The following LANCL1 variants were observed in gnomAD, a reference collection of about 807,000 sequenced individuals.
The protein encoded by LANCL1 is LanC like glutathione S-transferase 1.
LANCL1 carries 50 observed loss-of-function variants against 50.6 expected under a neutral mutation model. The ratio of observed to expected loss-of-function variants is 0.99; its 90% CI spans 0.79 to 1.25. LANCL1 has a LOEUF of 1.25. Among genes scored for constraint, LANCL1 ranks in the 50% most tolerant of loss-of-function variants. LANCL1 has a pLI of 0.00. For synonymous variants in LANCL1, 188 were observed against 178.6 expected, an observed-to-expected ratio of 1.05 and a Z score of -0.42; for missense variants, 532 against 480.7, an observed-to-expected ratio of 1.11 and a Z score of -1.00.
chr2:210,444,397 G>A (rs575687477), intron 4 of LANCL1, among the ~76,000 whole-genome samples: 1 of 152,260 alleles, frequency 6.6e-6, no homozygotes, highest in Non-Finnish European at 1.5e-5. Flanking sequence ...AAAATGAAGA[G>A]GATAGGTTTT....
In LANCL1 at chr2:210,476,457, T is replaced by C. The variant is rs1351777267; in HGVS notation, c.-16-45A>G. ...CAGAAACTAGGTTGAGATAGGGGCC[T>C]CGGCCGAGTTGCGAGGGCGGCGGCG... On this transcript the variant is annotated intron_variant, in intron 1 of 9. Transcript: ENST00000450366. 3 of 1,531,444 alleles carry C rather than the reference T, an allele frequency of 2.0e-6. No homozygotes were observed. In the Admixed American group the frequency reaches 6.2e-5, roughly 31 times the overall value. The allele number at this position is 1,531,444 out of a possible 1,614,324, so 94.9% of individuals were successfully genotyped here.
At chr2:210,448,569 G>GT (rs972196929) in intron 4 of LANCL1, among the ~76,000 whole-genome samples, 2 of 152,044 alleles carry the variant, frequency 1.3e-5, no homozygotes, top group African/African-American at 4.8e-5. Flanking sequence ...CCCAGAGTTG[G>GT]TTTTTTGAAA....
At chr2:210,458,731 A>C (rs994265471) in intron 3 of LANCL1, among the ~76,000 whole-genome samples, 24 of 152,160 alleles carry the variant, frequency 1.6e-4, no homozygotes, top group African/African-American at 4.8e-4. Flanking sequence ...CCTCTGTTGG[A>C]GAATCAGGTT....
chr2:210,444,369 AG>A (rs535272599), intron 4 of LANCL1, among the ~76,000 whole-genome samples: 261 of 152,238 alleles, frequency 1.7e-3, no homozygotes, highest in Admixed American at 4.3e-3. Flanking sequence ...GCTTGTGGTG[AG>A]GGGGGAGAAA....
chr2:210,453,654 G>A (rs1179181323), intron 4 of LANCL1, among the ~76,000 whole-genome samples: 2 of 152,170 alleles, frequency 1.3e-5, no homozygotes, highest in Non-Finnish European at 2.9e-5. Context: ...TACTTAACAA[G>A]TGATTCACTG....
In LANCL1 at chr2:210,434,451, G is replaced by C; in HGVS notation, c.*36C>G. The C allele has an allele frequency of 6.5e-7, 1 of 1,540,506 alleles. No homozygotes were observed. Among genetic ancestry groups the C allele is most frequent in the African/African-American group, 1.4e-5 (1 of 73,528 alleles). On this transcript the variant is annotated 3_prime_UTR_variant, in exon 10 of 10. Coordinates refer to ENST00000450366, the MANE Select transcript of LANCL1 (RefSeq NM_006055.3). ...AGCTTGGGTTTGAATATACAGAAAGGGTCATGCAGTGAGTTGCAGGTGGCA... is the reference window on the plus strand; with the variant it reads ...AGCTTGGGTTTGAATATACAGAAAGCGTCATGCAGTGAGTTGCAGGTGGCA...
chr2:210,452,878 G>A (rs771395105), intron 4 of LANCL1, among the ~76,000 whole-genome samples: 57 of 152,238 alleles, frequency 3.7e-4, no homozygotes, highest in Admixed American at 7.8e-4. Context: ...GAATGTGAGC[G>A]TGGGATCTCA....
intron 2 of LANCL1, 44 bp from the exon 3 acceptor site, chr2:210,472,120 C>G: frequency 7.5e-7 from 1 of 1,329,058 alleles, no homozygotes. Flanking sequence ...TGTGGGTCAC[C>G]CAGCTTGCTG....
intron 3 of LANCL1, chr2:210,468,410 T>G (rs545459268): frequency 6.6e-6 from 1 of 152,074 alleles, no homozygotes; most frequent in South Asian, 2.1e-4. Context: ...AACATAGAAG[T>G]CAAGAAAAAA....
In LANCL1 at chr2:210,432,914, G is replaced by C. The variant is rs1391957271; in HGVS notation, c.*1573C>G. On this transcript the variant is annotated 3_prime_UTR_variant, in exon 10 of 10. Transcript: ENST00000450366. The stretch of plus-strand genomic sequence containing the variant: ...GATCCTGGAAACTGAGCAGTGGGCT[G>C]CTTTTTAAATCCTACTGCCAGTGGC... 3.9e-5 allele frequency: 6 copies of C among 152,590 alleles called. No homozygotes were observed. In the East Asian group the frequency reaches 1.2e-3, roughly 29 times the overall value. The allele number at this position is 152,590 out of a possible 1,614,324, so 9.5% of individuals were successfully genotyped here. A position where few individuals can be genotyped will look rare whatever the true frequency, so the allele number is the denominator to read the frequency against.
At chr2:210,452,374 T>C (rs368115534) in intron 4 of LANCL1, among the ~76,000 whole-genome samples, 98 of 152,278 alleles carry the variant, frequency 6.4e-4, no homozygotes, top group African/African-American at 2.3e-3. Context: ...AGCCATCTAA[T>C]TGGGAACAGG....
chr2:210,455,808 GTGT>G (rs1334707229), intron 3 of LANCL1, among the ~76,000 whole-genome samples: 3 of 142,144 alleles, frequency 2.1e-5, no homozygotes, highest in African/African-American at 8.1e-5. Context: ...GTGTGTGTGT[GTGT>G]TTTTTTTTTT....
chr2:210,475,176 A>G (rs1694321328), intron 2 of LANCL1, among the ~76,000 whole-genome samples: 1 of 152,186 alleles, frequency 6.6e-6, no homozygotes, highest in African/African-American at 2.4e-5. Context: ...AAAAACAACC[A>G]TCAGACCCAC....
chr2:210,476,475 C>A, intron 1 of LANCL1, 63 bp from the exon 2 acceptor site: 1 of 1,355,958 alleles, frequency 7.4e-7, no homozygotes, highest in Non-Finnish European at 9.5e-7. Context: ...GTTGCGAGGG[C>A]GGCGGCGGCG....
chr2:210,448,034 C>A (rs1383493845), intron 4 of LANCL1, among the ~76,000 whole-genome samples: 1 of 152,168 alleles, frequency 6.6e-6, no homozygotes, highest in Non-Finnish European at 1.5e-5. Context: ...CTCTCCACCC[C>A]AAATCAACAG....
At chr2:210,442,642 A>C (rs1693180557) in intron 4 of LANCL1, 1 of 152,214 alleles carries the variant, frequency 6.6e-6, no homozygotes, top group African/African-American at 2.4e-5. Flanking sequence ...CTGAAAAGCA[A>C]ACAGTAACAT....
Position 210,433,597 on chromosome 2 carries a change from TAG to T in LANCL1, c.*888_*889del, listed in dbSNP as rs1692820391. 6.6e-6 allele frequency: 1 copy of T among 152,186 alleles called. No individual in the cohort carries two copies. The highest frequency in any genetic ancestry group is 2.4e-5 in the African/African-American group (1 of 41,454). 9.4% of individuals were successfully genotyped at this position (152,186 alleles called of 1,614,324 possible). ...CACTGTAAAAACCCAAGTTAAAGTT[TAG>T]AAAGTCAGTCAGAGTGGACTGAAAT... On this transcript the variant is annotated 3_prime_UTR_variant, in exon 10 of 10. Transcript: ENST00000450366.
At chr2:210,457,832 T>G (rs1351733608) in intron 3 of LANCL1, among the ~76,000 whole-genome samples, 1 of 152,214 alleles carries the variant, frequency 6.6e-6, no homozygotes, top group African/African-American at 2.4e-5. Context: ...AGTTAGCTCT[T>G]GTGATGGAGA....
In LANCL1 at chr2:210,437,758, G is replaced by A. The variant is rs566984930; in HGVS notation, c.805C>T (p.Arg269Ter). The A allele has an allele frequency of 2.5e-6, 4 of 1,612,664 alleles. No individual in the cohort carries two copies. The highest frequency in any genetic ancestry group is 2.2e-5 in the East Asian group (1 of 44,770). ...GNYPPCIGDN[R>*]DLLVHWCHGA... ...TGGCACCAATGGACAAGCAGATCTC[G>A]ATTATCACCTATACATGGAGGGTAA... Residue 269 changes from arginine (R) to a stop codon, truncating the protein, a stop_gained, in exon 7 of 10, where the codon CGA (arginine) becomes TGA (stop). Coordinates refer to ENST00000450366, the MANE Select transcript of LANCL1 (RefSeq NM_006055.3). LOFTEE classifies it high-confidence loss of function.
Sources: gnomAD v4.1 joint callset for allele counts (sites outside exome capture counted in the v4.1 genomes callset) on GRCh38, gnomAD v4.1.1 for gene constraint, MANE v1.5 for transcripts, NCBI Gene and HGNC (gene_info 2026-07-23, HGNC 2026-07-21) for gene names.